The following ANKRD30A variants were observed in gnomAD, a reference collection of about 807,000 sequenced individuals.
ANKRD30A encodes the protein ankyrin repeat domain 30A.
ANKRD30A carries 170 observed loss-of-function variants against 166.3 expected under a neutral mutation model. The observed-to-expected ratio is 1.02, with a 90% CI of 0.90 to 1.16. The LOEUF is 1.16. ANKRD30A is among the 50% of genes most tolerant of loss of function. The pLI, the probability that ANKRD30A is intolerant of heterozygous loss-of-function variation, is 0.00. For missense variants in ANKRD30A, 1,630 were observed against 1,518.0 expected (o/e 1.07, Z -1.23); for synonymous variants, 564 against 508.9 (o/e 1.11, Z -1.46).
intron 7 of ANKRD30A, among the ~76,000 whole-genome samples, chr10:37,144,030 C>T (rs1449810667): frequency 1.3e-5 from 2 of 150,060 alleles, no homozygotes; most frequent in African/African-American, 2.5e-5. Flanking sequence ...CATTTAAATA[C>T]GTAGGTCTTT....
Position 37,165,090 on chromosome 10 carries a change from A to C in ANKRD30A, c.2003-4A>C. On this transcript the variant is annotated splice_polypyrimidine_tract_variant and splice_region_variant and intron_variant, in intron 17 of 35. Coordinates refer to ENST00000361713, the MANE Select transcript of ANKRD30A (RefSeq NM_052997.3). The stretch of plus-strand genomic sequence containing the variant: ...TGAATGTATCTGTGATTAACCTTTT[A>C]TAGATGAGATACTCCCATCAGAATC... The C allele has an allele frequency of 6.2e-7, 1 of 1,606,332 alleles. No individual in the cohort carries two copies. The highest frequency in any genetic ancestry group is 1.1e-5 in the South Asian group (1 of 90,916).
intron 31 of ANKRD30A, among the ~76,000 whole-genome samples, chr10:37,204,922 T>C (rs1841890891): frequency 6.6e-6 from 1 of 152,184 alleles, no homozygotes; most frequent in South Asian, 2.1e-4. Flanking sequence ...CCAGTTAGAA[T>C]GGCGATCATT....
chr10:37,239,503 C>T, the ANKRD30A span, among the ~76,000 whole-genome samples: 2 of 151,992 alleles, frequency 1.3e-5, no homozygotes, highest in African/African-American at 2.4e-5. Flanking sequence ...TAACATAGAA[C>T]ATACATTGAA....
In ANKRD30A at chr10:37,147,420, A is replaced by G. The variant is rs201180196; in HGVS notation, c.1506A>G (p.Ile502Met). ...AKIQVCIPES[I>M]YQKVMEINRE... The stretch of plus-strand genomic sequence containing the variant: ...TTCAAGTGTGTATACCTGAGTCTAT[A>G]TATCAAAAAGTAATGGAGATAAATA... Residue 502 changes from isoleucine to methionine, a missense_variant, in exon 9 of 36, where the codon ATA becomes ATG. This residue lies in a region of ANKRD30A where 904 missense variants were observed against 818.5 expected (regional missense o/e 1.10). Coordinates refer to ENST00000361713, the MANE Select transcript of ANKRD30A (RefSeq NM_052997.3). The G allele has an allele frequency of 2.1e-5, 33 of 1,596,918 alleles. No individual in the cohort carries two copies. The highest frequency in any genetic ancestry group is 5.4e-5 in the African/African-American group (4 of 74,040).
intron 30 of ANKRD30A, among the ~76,000 whole-genome samples, chr10:37,200,793 G>T (rs1841563224): frequency 6.6e-6 from 1 of 151,906 alleles, no homozygotes; most frequent in African/African-American, 2.4e-5. Context: ...CTTCATGACA[G>T]GCATCATTTT....
intron 34 of ANKRD30A, among the ~76,000 whole-genome samples, chr10:37,223,074 C>T (rs1387817742): frequency 6.6e-6 from 1 of 151,252 alleles, no homozygotes; most frequent in African/African-American, 2.4e-5. Context: ...TAATAGAGGA[C>T]AATTGTTCTA....
intron 31 of ANKRD30A, among the ~76,000 whole-genome samples, chr10:37,215,620 A>AT (rs1433393871): frequency 2.0e-5 from 3 of 150,936 alleles, no homozygotes; most frequent in Admixed American, 6.6e-5. Context: ...TTTGCTTTCC[A>AT]TTTTTTTTCT....
intron 31 of ANKRD30A, among the ~76,000 whole-genome samples, chr10:37,204,441 T>A (rs1473232308): frequency 6.6e-6 from 1 of 152,100 alleles, no homozygotes; most frequent in African/African-American, 2.4e-5. Context: ...CTGGATCCCT[T>A]CCTTACAACT....
rs753236782 is a variant in ANKRD30A, at chr10:37,158,506, C to T, written c.1828-8C>T. On this transcript the variant is annotated splice_region_variant and splice_polypyrimidine_tract_variant and intron_variant, in intron 14 of 35. Coordinates refer to ENST00000361713, the MANE Select transcript of ANKRD30A (RefSeq NM_052997.3). Reference sequence around the variant, plus strand: ...TATATTAATTGTTTTGTTTCCAAACCCATTTAGGCTACCTGCGGAATGAAA... The same window carrying T: ...TATATTAATTGTTTTGTTTCCAAACTCATTTAGGCTACCTGCGGAATGAAA... 7.4e-6 allele frequency: 12 copies of T among 1,613,168 alleles called. No individual in the cohort carries two copies. The highest frequency in any genetic ancestry group is 2.2e-5 in the East Asian group (1 of 44,782).
intron 17 of ANKRD30A, among the ~76,000 whole-genome samples, chr10:37,163,891 C>A (rs28696905): frequency 0.66 from 69,136 of 104,782 alleles, 28,227 homozygotes; most frequent in African/African-American, 0.91. Context: ...TTAAAAGTAA[C>A]ATATTTAAAG....
intron 18 of ANKRD30A, 47 bp downstream of exon 18, chr10:37,165,202 GA>G: frequency 6.6e-7 from 1 of 1,515,516 alleles, no homozygotes; most frequent in Non-Finnish European, 9.1e-7. Context: ...TGCATGATAT[GA>G]AAACATAAAA....
intron 5 of ANKRD30A, among the ~76,000 whole-genome samples, chr10:37,134,352 A>T (rs192397953): frequency 0.013 from 1,948 of 152,136 alleles, 38 homozygotes; most frequent in East Asian, 0.081. Context: ...TGAATTTTTT[A>T]AAAAAAATCT....
At chr10:37,218,649 G>T (rs941955168) in intron 33 of ANKRD30A, among the ~76,000 whole-genome samples, 3 of 150,660 alleles carry the variant, frequency 2.0e-5, no homozygotes, top group Admixed American at 1.3e-4. Context: ...CCCAATTTTC[G>T]TATGTAGTCA....
chr10:37,199,625 G>C lies in ANKRD30A; in HGVS notation c.2717-102G>C, dbSNP rs761073407. The stretch of plus-strand genomic sequence containing the variant: ...CAAAAAGAATATACGGGCTACAGAG[G>C]AGGAACCACAGATTCGTGAATGAAA... On this transcript the variant is annotated intron_variant, in intron 29 of 35. Coordinates refer to ENST00000361713, the MANE Select transcript of ANKRD30A (RefSeq NM_052997.3). 16 of 676,250 alleles carry C rather than the reference G, an allele frequency of 2.4e-5. No homozygotes were observed. The African/African-American group carries it at 2.6e-4, about 11-fold the overall frequency. 41.9% of individuals were successfully genotyped at this position (676,250 alleles called of 1,614,324 possible).
the ANKRD30A span, among the ~76,000 whole-genome samples, chr10:37,243,857 C>T: frequency 1.3e-5 from 2 of 151,694 alleles, no homozygotes; most frequent in Admixed American, 6.6e-5. Flanking sequence ...GGCGAACCAC[C>T]GAGTGATGGC....
chr10:37,135,487 T>G (rs1420675498), intron 5 of ANKRD30A: 1 of 152,226 alleles, frequency 6.6e-6, no homozygotes, highest in Non-Finnish European at 1.5e-5. Flanking sequence ...AAATGAGATT[T>G]GGTGAGTAAC....
At chr10:37,217,569 G>A (rs923139322) in intron 32 of ANKRD30A, 126 bp from the exon 33 acceptor site, 36 of 707,278 alleles carry the variant, frequency 5.1e-5, no homozygotes, top group Non-Finnish European at 6.7e-5. Context: ...TGAGAACTAG[G>A]AAGAAAAAAA....
the ANKRD30A span, among the ~76,000 whole-genome samples, chr10:37,245,462 G>A: frequency 1.3e-5 from 2 of 151,650 alleles, no homozygotes; most frequent in Non-Finnish European, 2.9e-5. Flanking sequence ...AATAAATGTG[G>A]GTACAATTGG....
At chr10:37,184,148 A>G (rs1256648130) in intron 24 of ANKRD30A, among the ~76,000 whole-genome samples, 4 of 148,744 alleles carry the variant, frequency 2.7e-5, no homozygotes, top group African/African-American at 9.8e-5. Flanking sequence ...TCAAGACATA[A>G]CAGGGTCAAG....
Sources: allele counts gnomAD v4.1 joint callset (sites outside exome capture counted in the v4.1 genomes callset), GRCh38; gene constraint gnomAD v4.1.1; regional missense constraint gnomAD v4.1.1; transcripts MANE v1.5; gene names NCBI Gene and HGNC (gene_info 2026-07-23, HGNC 2026-07-21).